Variants in YWHAE observed in about 807,000 individuals in gnomAD.
The protein encoded by YWHAE is tyrosine 3-monooxygenase/tryptophan 5-monooxygenase activation protein epsilon.
Under a neutral mutation model 30.1 loss-of-function variants are expected in YWHAE, and 4 were observed. The observed-to-expected ratio is 0.13, with a 90% CI of 0.07 to 0.30. The LOEUF (loss-of-function observed/expected upper bound fraction) is 0.30, where lower values mean the gene tolerates loss of function less well. YWHAE is among the 10% of genes least tolerant of loss of function. The pLI is 1.00. For missense variants in YWHAE, 121 were observed against 315.9 expected (o/e 0.38, Z 4.68); for synonymous variants, 118 against 111.8 (o/e 1.06, Z -0.35).
Position 1,346,765 on chromosome 17 carries a change from T to G in YWHAE, c.716-1266A>C, listed in dbSNP as rs139540653. Among the ~76,000 whole-genome samples the G allele has an allele frequency of 3.1e-3, 468 of 151,838 alleles. 4 individuals are homozygous for G. Among genetic ancestry groups the G allele is most frequent in the African/African-American group, 0.01 (424 of 41,372 alleles). On this transcript the variant is annotated intron_variant, in intron 5 of 5. Coordinates refer to ENST00000264335, the MANE Select transcript of YWHAE (RefSeq NM_006761.5). Reference sequence around the variant, plus strand: ...ACTTTGGGAAGCAAAGGCGGGCGGATCACGAGGTCAGAAGATCAAGACCAT... The same window carrying G: ...ACTTTGGGAAGCAAAGGCGGGCGGAGCACGAGGTCAGAAGATCAAGACCAT...
intron 5 of YWHAE, among the ~76,000 whole-genome samples, 192 bp downstream of exon 5, chr17:1,354,005 TAAAGGAAGAGCTAA>T (rs2150841329): frequency 6.6e-6 from 1 of 152,274 alleles, no homozygotes; most frequent in East Asian, 1.9e-4. Flanking sequence ...TGAAACAGTG[TAAAGGAAGAGCTAA>T]ACTAAGTTCC....
intron 1 of YWHAE, among the ~76,000 whole-genome samples, chr17:1,382,287 A>T (rs1018080669): frequency 4.0e-5 from 6 of 149,124 alleles, no homozygotes; most frequent in Non-Finnish European, 8.9e-5. Context: ...TGACCTCATG[A>T]TCTGCCCGCC....
At chr17:1,364,290 G>A (rs997934152) in intron 2 of YWHAE, among the ~76,000 whole-genome samples, 3 of 151,248 alleles carry the variant, frequency 2.0e-5, no homozygotes, top group East Asian at 3.9e-4. Context: ...GCAGCAGTGC[G>A]ATCTCGGCTC....
chr17:1,359,812 TTGTGTGTGTGTGTGTGTGTGTGTGTGTG>T (rs59650315), intron 4 of YWHAE, among the ~76,000 whole-genome samples: 2 of 130,622 alleles, frequency 1.5e-5, no homozygotes, highest in Non-Finnish European at 3.2e-5. Flanking sequence ...CACTAAATTG[TTGTGTGTGTGTGTGTGTGTGTGTGTGTG>T]TGTGTGTGTG....
intron 1 of YWHAE, among the ~76,000 whole-genome samples, chr17:1,379,341 C>A (rs1378703200): frequency 6.6e-6 from 1 of 151,686 alleles, no homozygotes; most frequent in African/African-American, 2.4e-5. Context: ...AAAAATTAGC[C>A]GGGCGTGGTG....
intron 1 of YWHAE, among the ~76,000 whole-genome samples, chr17:1,388,107 TTTTTTGGTTG>T (rs1435471602): frequency 2.1e-5 from 1 of 46,520 alleles, no homozygotes; most frequent in African/African-American, 1.3e-4. Flanking sequence ...TTTTGTTTTT[TTTTTTGGTTG>T]GTTTTTTTTT....
intron 1 of YWHAE, among the ~76,000 whole-genome samples, chr17:1,371,635 A>G (rs1273402622): frequency 6.6e-6 from 1 of 152,168 alleles, no homozygotes; most frequent in Non-Finnish European, 1.5e-5. Flanking sequence ...ATTAGTCCCT[A>G]AGAAGCTGCA....
intron 2 of YWHAE, 200 bp downstream of exon 2, chr17:1,364,659 G>C: frequency 1.6e-6 from 1 of 644,894 alleles, no homozygotes; most frequent in Non-Finnish European, 2.6e-6. Context: ...ACCTGATACA[G>C]ACTATGTTTT....
intron 1 of YWHAE, among the ~76,000 whole-genome samples, chr17:1,388,129 T>G (rs1474481989): frequency 1.1e-4 from 11 of 103,992 alleles, no homozygotes; most frequent in East Asian, 5.1e-4. Context: ...TTTTTTTTTT[T>G]TTTTTTTTTT....
At chr17:1,370,303 G>T (rs1169271020) in intron 1 of YWHAE, among the ~76,000 whole-genome samples, 9 of 150,686 alleles carry the variant, frequency 6.0e-5, no homozygotes, top group South Asian at 2.1e-4. Flanking sequence ...ATTTTTTTGT[G>T]TGTATTTTTA....
intron 1 of YWHAE, among the ~76,000 whole-genome samples, chr17:1,381,409 T>C (rs1407468946): frequency 6.6e-6 from 1 of 152,018 alleles, no homozygotes; most frequent in African/African-American, 2.4e-5. Context: ...CTCAGGAGGC[T>C]GAAGCACGAG....
intron 2 of YWHAE, among the ~76,000 whole-genome samples, chr17:1,364,174 A>AG (rs201691940): frequency 6.6e-6 from 1 of 151,548 alleles, no homozygotes; most frequent in Non-Finnish European, 1.5e-5. Context: ...AATAATCCTC[A>AG]GGGAAAAAAA....
At chr17:1,353,451 G>A (rs56715645) in intron 5 of YWHAE, among the ~76,000 whole-genome samples, 81,357 of 111,758 alleles carry the variant, frequency 0.73, 28,872 homozygotes, top group African/African-American at 0.89. Context: ...AAAAAAAAAA[G>A]AAAAGAAAAG....
chr17:1,359,812 TTGTGTGTGTGTGTGTG>T (rs59650315), intron 4 of YWHAE, among the ~76,000 whole-genome samples: 7,387 of 130,678 alleles, frequency 0.057, 279 homozygotes, highest in Non-Finnish European at 0.078. Context: ...CACTAAATTG[TTGTGTGTGTGTGTGTG>T]TGTGTGTGTG....
chr17:1,348,379 A>C, intron 5 of YWHAE, among the ~76,000 whole-genome samples: 1 of 152,222 alleles, frequency 6.6e-6, no homozygotes, highest in Non-Finnish European at 1.5e-5. Context: ...ATCACTTGAG[A>C]AAAAGCAATG....
In YWHAE at chr17:1,347,451, C is replaced by CAAA. The variant is rs1338485860; in HGVS notation, c.716-1953_716-1952insTTT. 5.8e-3 allele frequency among the ~76,000 whole-genome samples: 884 copies of CAAA among 152,044 alleles called. 4 individuals are homozygous for CAAA. The highest frequency in any genetic ancestry group is 8.4e-3 in the Non-Finnish European group (570 of 67,994). On this transcript the variant is annotated intron_variant, in intron 5 of 5. Transcript: ENST00000264335. Reference sequence around the variant, plus strand: ...GTGAGCTTTGAACGCCACTGCACTCCAGGCGGGGCAACAAGAGCAAAACTC... The same window carrying CAAA: ...GTGAGCTTTGAACGCCACTGCACTCCAAAAGGCGGGGCAACAAGAGCAAAACTC...
At chr17:1,374,158 CA>C (rs1008682215) in intron 1 of YWHAE, among the ~76,000 whole-genome samples, 28 of 151,696 alleles carry the variant, frequency 1.8e-4, no homozygotes, top group African/African-American at 5.1e-4. Context: ...ACTAAAAATA[CA>C]AAAATTAGGC....
intron 1 of YWHAE, among the ~76,000 whole-genome samples, chr17:1,382,642 G>C (rs566142148): frequency 6.6e-6 from 1 of 152,198 alleles, no homozygotes; most frequent in East Asian, 1.9e-4. Flanking sequence ...TTACAGGCGT[G>C]AGCCACCACG....
At chr17:1,384,134 G>T (rs1341503114) in intron 1 of YWHAE, among the ~76,000 whole-genome samples, 1 of 152,182 alleles carries the variant, frequency 6.6e-6, no homozygotes, top group East Asian at 1.9e-4. Flanking sequence ...AACCCAGGAG[G>T]CGAAAGCTGC....
Sources: gnomAD v4.1 joint callset for allele counts (sites outside exome capture counted in the v4.1 genomes callset) on GRCh38, gnomAD v4.1.1 for gene constraint, MANE v1.5 for transcripts, NCBI Gene and HGNC (gene_info 2026-07-23, HGNC 2026-07-21) for gene names.